B9D1: variants seen among roughly 807,000 people sequenced by gnomAD.
B9D1 encodes the protein B9 domain-containing protein 1.
In B9D1, 20 loss-of-function variants were observed where a neutral mutation model predicts 26.1. The ratio of observed to expected loss-of-function variants is 0.77; its 90% CI spans 0.54 to 1.12. The LOEUF (loss-of-function observed/expected upper bound fraction) is 1.12, where lower values mean the gene tolerates loss of function less well. B9D1 is among the 50% of genes most tolerant of loss of function. The probability of loss-of-function intolerance (pLI) is 0.00; values close to 1 mark genes in which losing one functional copy is unlikely to be tolerated. For missense variants in B9D1, 260 were observed against 273.7 expected, an observed-to-expected ratio of 0.95 and a Z score of 0.35; for synonymous variants, 105 against 103.1, an observed-to-expected ratio of 1.02 and a Z score of -0.11.
chr17:19,345,260 G>A (rs1415704478), intron 5 of B9D1, among the ~76,000 whole-genome samples: 4 of 152,038 alleles, frequency 2.6e-5, no homozygotes, highest in East Asian at 1.9e-4. Flanking sequence ...CCCGACCACC[G>A]GCCTGGCAGC....
upstream of B9D1, among the ~76,000 whole-genome samples, chr17:19,367,129 G>T (rs1411740144): frequency 1.3e-5 from 2 of 152,120 alleles, no homozygotes; most frequent in African/African-American, 2.4e-5. Context: ...AGCATTGCCA[G>T]TGACGGTAGA....
At chr17:19,337,687 A>AG (rs1240780543), downstream of B9D1, 2 of 1,530,380 alleles carry the variant, frequency 1.3e-6, no homozygotes, top group Non-Finnish European at 1.8e-6. Context: ...TCAGTGACTC[A>AG]GGGACTCAAG....
chr17:19,362,821 G>T, upstream of B9D1: 1 of 1,107,192 alleles, frequency 9.0e-7, no homozygotes, highest in Non-Finnish European at 1.3e-6. Context: ...GTATGACCGA[G>T]AGCTGGGGCG....
chr17:19,374,161 T>C (rs1284339526), intron 1 of B9D1, among the ~76,000 whole-genome samples: 2 of 152,234 alleles, frequency 1.3e-5, no homozygotes, highest in East Asian at 3.8e-4. Context: ...CTGCTTTTAA[T>C]AAGATGTAGA....
chr17:19,334,947 T>C (rs1907331740), downstream of B9D1: 1 of 154,464 alleles, frequency 6.5e-6, no homozygotes, highest in Non-Finnish European at 1.4e-5. This position sits in a 1 kb window ranked among gnomAD's most constrained non-coding sequence, Gnocchi z 4.9. Context: ...GTGGTTCTTA[T>C]TTAACTGTCT....
At chr17:19,353,659 G>A (rs1419511577) in intron 3 of B9D1, among the ~76,000 whole-genome samples, 1 of 150,772 alleles carries the variant, frequency 6.6e-6, no homozygotes, top group East Asian at 2.0e-4. Context: ...AAATAAATAC[G>A]ACCAGGCATG....
intron 1 of B9D1, chr17:19,377,849 G>C (rs374223349): frequency 2.0e-6 from 2 of 985,320 alleles, no homozygotes; most frequent in East Asian, 1.1e-4. Context: ...AACGAGCGGA[G>C]GGAAGATACC....
chr17:19,342,305 G>A (rs990839907), downstream of B9D1, among the ~76,000 whole-genome samples: 1 of 152,182 alleles, frequency 6.6e-6, no homozygotes, highest in Non-Finnish European at 1.5e-5. Flanking sequence ...GGGAGGGCAC[G>A]GGAGTGCTCG....
At chr17:19,363,507 G>C (rs1911388245), upstream of B9D1, 1 of 152,264 alleles carries the variant, frequency 6.6e-6, no homozygotes. Flanking sequence ...GATGGCAAAG[G>C]CAGGTAAGTA....
At chr17:19,363,267 G>A (rs1002408282), upstream of B9D1, among the ~76,000 whole-genome samples, 1 of 152,224 alleles carries the variant, frequency 6.6e-6, no homozygotes, top group Non-Finnish European at 1.5e-5. Context: ...TTACATCCAA[G>A]CCATCGCTCT....
At chr17:19,346,038 C>T (rs1908730933) in intron 5 of B9D1, among the ~76,000 whole-genome samples, 1 of 152,248 alleles carries the variant, frequency 6.6e-6, no homozygotes, top group Non-Finnish European at 1.5e-5. Flanking sequence ...GCCCAAAGTC[C>T]TCCTTGGAGC....
At chr17:19,373,064 G>A (rs1911965054) in intron 1 of B9D1, among the ~76,000 whole-genome samples, 1 of 152,086 alleles carries the variant, frequency 6.6e-6, no homozygotes, top group Non-Finnish European at 1.5e-5. Flanking sequence ...ATTCAGGTCT[G>A]GCCAATCAGC....
downstream of B9D1, among the ~76,000 whole-genome samples, chr17:19,338,514 T>A (rs1907648392): frequency 6.6e-6 from 1 of 152,136 alleles, no homozygotes; most frequent in Non-Finnish European, 1.5e-5. Context: ...TTGGTCAGAG[T>A]GTTACTTTGG....
downstream of B9D1, chr17:19,336,123 C>G (rs576677837): frequency 2.6e-5 from 4 of 152,378 alleles, no homozygotes; most frequent in Middle Eastern, 3.4e-3. Context: ...TGAGGCCGCC[C>G]TCTCCAGTCC....
upstream of B9D1, among the ~76,000 whole-genome samples, chr17:19,363,269 C>A (rs960892862): frequency 1.3e-5 from 2 of 152,230 alleles, no homozygotes; most frequent in African/African-American, 4.8e-5. Context: ...ACATCCAAGC[C>A]ATCGCTCTTT....
chr17:19,363,284 C>A (rs914075361), upstream of B9D1, among the ~76,000 whole-genome samples: 3 of 152,214 alleles, frequency 2.0e-5, no homozygotes, highest in Non-Finnish European at 2.9e-5. Context: ...CTCTTTAGTT[C>A]GAAGCTGGGG....
chr17:19,351,605 T>C (rs1909616654), intron 3 of B9D1, among the ~76,000 whole-genome samples: 1 of 152,196 alleles, frequency 6.6e-6, no homozygotes, highest in Non-Finnish European at 1.5e-5. Context: ...GAAGGTGTCA[T>C]TCTTTAAATG....
rs751099090 is a variant in B9D1, at chr17:19,357,861, T to G, written c.223A>C (p.Lys75Gln). 6.2e-7 allele frequency: 1 copy of G among 1,613,988 alleles called. No homozygotes were observed. The highest frequency in any genetic ancestry group is 1.1e-5 in the South Asian group (1 of 91,056). Residue 75 changes from lysine to glutamine, a missense_variant, in exon 3 of 7, where the codon AAA (lysine) becomes CAA (glutamine). Lys to Gln is a moderately conservative substitution (Grantham distance 53). Transcript: ENST00000261499. ...VWNFPIDVTF[K>Q]STNPYGWPQI... ...TCACAGCCGTAGGGGTTGGTGCTTT[T>G]AAAGGTGACATCAATGGGGAAGTTC...
In B9D1 at chr17:19,347,670, C is replaced by T. The variant is rs917457713; in HGVS notation, c.341+114G>A. On this transcript the variant is annotated intron_variant, in intron 4 of 6. Transcript: ENST00000261499. This position sits in a 1 kb window ranked among gnomAD's most constrained non-coding sequence, Gnocchi z 4.3. ...CCCCCCTGGCCACCAGGCTGAGCTG[C>T]CCAGGCCCCTGGAGACCCCAGAGCA... 9.3e-7 allele frequency: 1 copy of T among 1,073,192 alleles called. No individual in the cohort carries two copies. The highest frequency in any genetic ancestry group is 1.4e-6 in the Non-Finnish European group (1 of 717,244). 66.5% of individuals were successfully genotyped at this position (1,073,192 alleles called of 1,614,324 possible).
Sources: allele counts gnomAD v4.1 joint callset (sites outside exome capture counted in the v4.1 genomes callset), GRCh38; gene constraint gnomAD v4.1.1; non-coding constraint Gnocchi (gnomAD v3.1); transcripts MANE v1.5; gene names NCBI Gene and HGNC (gene_info 2026-07-23, HGNC 2026-07-21).